The following SGIP1 variants were observed in gnomAD, a reference collection of about 807,000 sequenced individuals.
SGIP1 encodes the protein SH3GL interacting endocytic adaptor 1.
In SGIP1, 38 loss-of-function variants were observed where a neutral mutation model predicts 107.5. That is an observed-to-expected ratio of 0.35 (90% confidence interval 0.27 to 0.46). The LOEUF is 0.46. Ranked by LOEUF, SGIP1 falls within the 20% of genes least tolerant of loss-of-function variation. The probability of loss-of-function intolerance (pLI) is 1.00; values close to 1 mark genes in which losing one functional copy is unlikely to be tolerated. For missense variants in SGIP1, 929 were observed against 1,019.5 expected (o/e 0.91, Z 1.21); for synonymous variants, 365 against 366.1 (o/e 1.00, Z 0.03).
At chr1:66,552,239 A>G (rs2148289708) in intron 1 of SGIP1, among the ~76,000 whole-genome samples, 1 of 151,484 alleles carries the variant, frequency 6.6e-6, no homozygotes, top group South Asian at 2.1e-4. Context: ...CTTCTCATCA[A>G]CTCCTCTGAG....
intron 12 of SGIP1, 64 bp from the exon 13 acceptor site, chr1:66,676,940 T>G (rs2085512316): frequency 2.2e-6 from 3 of 1,373,288 alleles, no homozygotes; most frequent in South Asian, 2.6e-5. Flanking sequence ...AATCGAAATT[T>G]TAAGTTCTAA....
intron 1 of SGIP1, among the ~76,000 whole-genome samples, chr1:66,577,008 T>C (rs1237500073): frequency 6.6e-6 from 1 of 152,160 alleles, no homozygotes; most frequent in Non-Finnish European, 1.5e-5. Flanking sequence ...CAGGGTGTTT[T>C]TGATGTTGTT....
At chr1:66,704,315 A>G (rs1448466782) in intron 18 of SGIP1, 2 of 152,106 alleles carry the variant, frequency 1.3e-5, no homozygotes, top group Non-Finnish European at 2.9e-5. Flanking sequence ...ACGGAGCAAG[A>G]CAATGATTTG....
chr1:66,741,068 A>C (rs1365215095), intron 23 of SGIP1, among the ~76,000 whole-genome samples: 1 of 152,198 alleles, frequency 6.6e-6, no homozygotes, highest in Admixed American at 6.5e-5. Flanking sequence ...ACGTCTTCAA[A>C]TTTTGAGGTA....
intron 7 of SGIP1, among the ~76,000 whole-genome samples, chr1:66,647,679 C>G (rs2077891597): frequency 6.6e-6 from 1 of 152,190 alleles, no homozygotes; most frequent in African/African-American, 2.4e-5. Context: ...AAATAATTTT[C>G]TAATCACTAA....
intron 2 of SGIP1, among the ~76,000 whole-genome samples, chr1:66,631,096 AAAG>A (rs1558137553): frequency 4.1e-4 from 56 of 137,478 alleles, no homozygotes; most frequent in East Asian, 2.8e-3. Context: ...AGAAAGAAAG[AAAG>A]AAAAAAAGAA....
chr1:66,695,478 T>G lies in SGIP1; in HGVS notation c.1615T>G (p.Tyr539Asp). The change falls in exon 18 of 25, where the codon TAT becomes GAT. Residue 539 changes from tyrosine to aspartate, a missense_variant. This residue lies in a region of SGIP1 where 341 missense variants were observed against 430.9 expected (regional missense o/e 0.79). Transcript: ENST00000371037. ...CGTTTGGTTTGACAGAGGAAAGTTT[T>G]ATTTGACTTTTGAAGGTAAGTAGTG... ...SLVWFDRGKF[Y>D]LTFEGSSRGP... The G allele has an allele frequency of 6.2e-7, 1 of 1,614,116 alleles. No individual in the cohort carries two copies. Among genetic ancestry groups the G allele is most frequent in the Non-Finnish European group, 8.5e-7 (1 of 1,179,988 alleles).
intron 1 of SGIP1, among the ~76,000 whole-genome samples, chr1:66,592,960 T>G (rs1464178173): frequency 7.3e-6 from 1 of 137,920 alleles, no homozygotes; most frequent in African/African-American, 2.7e-5. Context: ...CCCAGGCTGA[T>G]CTCGAACTCC....
rs1056814989 is a variant in SGIP1, at chr1:66,534,421, C to G, written c.10+53C>G. ...GGCTTCAGGCAAGGTTTGGGCAGAA[C>G]AGCATTAAAGAATATGTGCAGCCAG... On this transcript the variant is annotated intron_variant, in intron 1 of 24. Coordinates refer to ENST00000371037, the MANE Select transcript of SGIP1 (RefSeq NM_032291.4). 7 of 1,605,082 alleles carry G rather than the reference C, an allele frequency of 4.4e-6. No homozygotes were observed. In the African/African-American group the frequency reaches 8.0e-5, roughly 18 times the overall value.
chr1:66,679,720 C>G lies in SGIP1; in HGVS notation c.782C>G (p.Pro261Arg). 6.2e-7 allele frequency: 1 copy of G among 1,605,768 alleles called. No homozygotes were observed. The highest frequency in any genetic ancestry group is 8.5e-7 in the Non-Finnish European group (1 of 1,177,908). The change falls in exon 14 of 25, where the codon CCC becomes CGC. Residue 261 changes from proline to arginine, a missense_variant. By Grantham distance (103) the Pro-to-Arg change is moderately radical (BLOSUM62 -2). This residue lies in a region of SGIP1 where 588 missense variants were observed against 588.6 expected (regional missense o/e 1.00). Coordinates refer to ENST00000371037, the MANE Select transcript of SGIP1 (RefSeq NM_032291.4). ...CCAAAAAATGTACCAGCTACCCCAC[C>G]CCGAACAGGATCCCCCTTAACAATT... ...LPPKNVPATP[P>R]RTGSPLTIGP...
intron 17 of SGIP1, among the ~76,000 whole-genome samples, chr1:66,691,410 G>T (rs952927951): frequency 6.6e-6 from 1 of 152,094 alleles, no homozygotes; most frequent in Non-Finnish European, 1.5e-5. Flanking sequence ...ACTATATCAC[G>T]TGCCTTTATA....
intron 1 of SGIP1, among the ~76,000 whole-genome samples, chr1:66,600,797 A>G (rs2065653619): frequency 6.6e-6 from 1 of 152,206 alleles, no homozygotes; most frequent in Non-Finnish European, 1.5e-5. Flanking sequence ...AGGCAGGGGC[A>G]TGACATGATT....
intron 1 of SGIP1, among the ~76,000 whole-genome samples, chr1:66,618,966 C>T (rs1308602612): frequency 6.6e-6 from 1 of 152,182 alleles, no homozygotes; most frequent in Non-Finnish European, 1.5e-5. Context: ...CACCCTGTCA[C>T]CCTACTTCAG....
intron 1 of SGIP1, among the ~76,000 whole-genome samples, chr1:66,623,010 T>C (rs548807780): frequency 1.3e-5 from 2 of 152,332 alleles, no homozygotes; most frequent in African/African-American, 4.8e-5. Context: ...TCCTTGACTA[T>C]TGCTGCTCTT....
chr1:66,723,473 G>A (rs1052990823), intron 19 of SGIP1, among the ~76,000 whole-genome samples: 1 of 152,086 alleles, frequency 6.6e-6, no homozygotes, highest in Admixed American at 6.6e-5. Context: ...CACATCTCCC[G>A]CTATTAGTTC....
In SGIP1 at chr1:66,674,544, G is replaced by A. The variant is rs142310538; in HGVS notation, c.646+1178G>A. Among the ~76,000 whole-genome samples, 451 of 152,292 alleles carry A rather than the reference G, an allele frequency of 3.0e-3. 2 individuals are homozygous for A. Among genetic ancestry groups the A allele is most frequent in the African/African-American group, 0.01 (427 of 41,558 alleles). On this transcript the variant is annotated intron_variant, in intron 12 of 24. Coordinates refer to ENST00000371037, the MANE Select transcript of SGIP1 (RefSeq NM_032291.4). The stretch of plus-strand genomic sequence containing the variant: ...TGTTAAAGAATTGGAAGCATAGTGG[G>A]TAGACTAAGCTACATTAACAAAGAG...
At chr1:66,534,657 C>A (rs1001025850) in intron 1 of SGIP1, among the ~76,000 whole-genome samples, 3 of 152,120 alleles carry the variant, frequency 2.0e-5, no homozygotes, top group African/African-American at 7.2e-5. Flanking sequence ...GCTTGCAGAG[C>A]AAATAAGTTG....
chr1:66,647,043 G>T (rs1435673961), intron 7 of SGIP1, among the ~76,000 whole-genome samples: 1 of 152,184 alleles, frequency 6.6e-6, no homozygotes, highest in Non-Finnish European at 1.5e-5. Context: ...ATCTGTGTAA[G>T]TTAGAATATT....
rs1037790842 is a variant in SGIP1 at position 66,603,910 on chromosome 1, G to A, written c.11-21937G>A. Among the ~76,000 whole-genome samples, 6 of 152,152 alleles carry A rather than the reference G, an allele frequency of 3.9e-5. No individual in the cohort carries two copies. In the East Asian group the frequency reaches 9.6e-4, roughly 24 times the overall value. On this transcript the variant is annotated intron_variant, in intron 1 of 24. Coordinates refer to ENST00000371037, the MANE Select transcript of SGIP1 (RefSeq NM_032291.4). ...ATCAACTTCAGATGAACTTTGGAATGTGTTAGTGGAGGGAATATACTAAGA... is the reference window on the plus strand; with the variant it reads ...ATCAACTTCAGATGAACTTTGGAATATGTTAGTGGAGGGAATATACTAAGA...
Sources: gnomAD v4.1 joint callset for allele counts (sites outside exome capture counted in the v4.1 genomes callset) on GRCh38, gnomAD v4.1.1 for gene constraint, gnomAD v4.1.1 regional missense constraint, MANE v1.5 for transcripts, NCBI Gene and HGNC (gene_info 2026-07-23, HGNC 2026-07-21) for gene names.